The following SNX6 variants were observed in gnomAD, a reference collection of about 807,000 sequenced individuals.
SNX6 encodes sorting nexin-6.
In SNX6, 34 loss-of-function variants were observed where a neutral mutation model predicts 63.0. The ratio of observed to expected loss-of-function variants is 0.54; its 90% CI spans 0.41 to 0.72. The LOEUF is 0.72. SNX6 is among the 30% of genes least tolerant of loss of function. The pLI is 0.00. For missense variants in SNX6, 398 were observed against 471.4 expected, an observed-to-expected ratio of 0.84 and a Z score of 1.44; for synonymous variants, 170 against 164.2, an observed-to-expected ratio of 1.04 and a Z score of -0.27.
At chr14:34,609,603 G>T in intron 3 of SNX6, 35 bp downstream of exon 3, 1 of 1,387,142 alleles carries the variant, frequency 7.2e-7, no homozygotes, top group South Asian at 1.2e-5. Flanking sequence ...TATAATAAAT[G>T]GCTAAAATAA....
At chr14:34,583,850 C>T (rs1200262927) in intron 9 of SNX6, among the ~76,000 whole-genome samples, 5 of 142,848 alleles carry the variant, frequency 3.5e-5, no homozygotes, top group Admixed American at 2.1e-4. Flanking sequence ...GGGAAGGTGG[C>T]TTTTTTTTTT....
chr14:34,613,069 G>GA (rs1227503098), intron 2 of SNX6, among the ~76,000 whole-genome samples: 1 of 150,592 alleles, frequency 6.6e-6, no homozygotes, highest in African/African-American at 2.4e-5. Flanking sequence ...ACTGACACAG[G>GA]AAAAAAACAC....
chr14:34,625,660 G>A (rs146796479), intron 2 of SNX6, among the ~76,000 whole-genome samples: 60 of 152,172 alleles, frequency 3.9e-4, no homozygotes, highest in African/African-American at 1.0e-3. Flanking sequence ...ACCTTAACCC[G>A]GGAGGTGGAG....
intron 13 of SNX6, among the ~76,000 whole-genome samples, chr14:34,566,328 T>A (rs879521575): frequency 6.6e-6 from 1 of 152,184 alleles, no homozygotes; most frequent in Non-Finnish European, 1.5e-5. Context: ...CTGTCCTGCC[T>A]CAGCCTCCCA....
intron 6 of SNX6, among the ~76,000 whole-genome samples, chr14:34,600,619 T>A (rs929667503): frequency 6.6e-6 from 1 of 152,140 alleles, no homozygotes; most frequent in African/African-American, 2.4e-5. Context: ...ATGAGCACTA[T>A]GCTATATTTA....
chr14:34,578,040 C>CG, intron 10 of SNX6, among the ~76,000 whole-genome samples: 1 of 147,298 alleles, frequency 6.8e-6, no homozygotes, highest in East Asian at 2.1e-4. Context: ...CCCACCCCCC[C>CG]GTCTCTACAT....
intron 2 of SNX6, among the ~76,000 whole-genome samples, chr14:34,612,493 G>T (rs1408601981): frequency 6.6e-6 from 1 of 151,980 alleles, no homozygotes; most frequent in Non-Finnish European, 1.5e-5. Context: ...GAGTGCAGTG[G>T]CCCCATCTTG....
intron 10 of SNX6, among the ~76,000 whole-genome samples, chr14:34,579,229 A>G (rs1881841650): frequency 6.6e-6 from 1 of 152,158 alleles, no homozygotes; most frequent in Admixed American, 6.6e-5. Context: ...CAATAATCTT[A>G]GCAGTATTGT....
chr14:34,614,440 A>G (rs1883347320), intron 2 of SNX6, among the ~76,000 whole-genome samples: 5 of 152,012 alleles, frequency 3.3e-5, no homozygotes, highest in Admixed American at 1.3e-4. Context: ...CTGTCTCAAA[A>G]AAAAAAAACC....
intron 2 of SNX6, among the ~76,000 whole-genome samples, chr14:34,614,175 T>C (rs983863035): frequency 4.0e-5 from 6 of 151,312 alleles, no homozygotes; most frequent in African/African-American, 9.7e-5. Flanking sequence ...ACCTATAATA[T>C]TAACACTTTG....
At chr14:34,604,298 G>A (rs773394602) in intron 5 of SNX6, 2 of 1,236,928 alleles carry the variant, frequency 1.6e-6, no homozygotes, top group South Asian at 2.8e-5. Flanking sequence ...ATCATGATCA[G>A]GGCCACTGGA....
intron 13 of SNX6, among the ~76,000 whole-genome samples, chr14:34,565,265 G>C (rs1223652897): frequency 1.3e-5 from 2 of 151,784 alleles, no homozygotes; most frequent in Non-Finnish European, 2.9e-5. Context: ...TTTTAGTAGA[G>C]ACGGGGTTTC....
At chr14:34,601,010 C>A (rs1437950382) in intron 6 of SNX6, among the ~76,000 whole-genome samples, 1 of 149,104 alleles carries the variant, frequency 6.7e-6, no homozygotes, top group East Asian at 1.9e-4. Flanking sequence ...AGAGACTCTG[C>A]CTCAAAAAAA....
chr14:34,626,248 T>A (rs1338048926), intron 2 of SNX6, among the ~76,000 whole-genome samples: 2 of 152,138 alleles, frequency 1.3e-5, no homozygotes, highest in Non-Finnish European at 2.9e-5. Flanking sequence ...AGCATTCTAA[T>A]TCAGGTTTTT....
chr14:34,567,585 T>G, intron 13 of SNX6, 101 bp downstream of exon 13: 3 of 848,754 alleles, frequency 3.5e-6, no homozygotes, highest in Non-Finnish European at 5.7e-6. Flanking sequence ...GTTGTCACAG[T>G]ATCCCTATGA....
chr14:34,587,823 G>A (rs755933629), intron 8 of SNX6, among the ~76,000 whole-genome samples: 6 of 142,074 alleles, frequency 4.2e-5, no homozygotes, highest in African/African-American at 1.3e-4. Flanking sequence ...TTTTTTTGGC[G>A]GGGGAGGGAT....
At position 34,567,678 on chromosome 14, in the gene SNX6, A is replaced by AAC. The variant is rs1263326954; in HGVS notation, c.1167+6_1167+7dup. On this transcript the variant is annotated splice_region_variant and intron_variant, in intron 13 of 13. Transcript: ENST00000362031. ...ACTTAAATTATTAAATCTTTATTAC[A>AAC]ACACTACCTTTGCATGCTTCAGTTC... 1.2e-6 allele frequency: 2 copies of AAC among 1,604,180 alleles called. No individual in the cohort carries two copies. The highest frequency in any genetic ancestry group is 2.2e-5 in the South Asian group (2 of 90,698).
At chr14:34,592,345 C>T (rs573597186) in intron 8 of SNX6, among the ~76,000 whole-genome samples, 1 of 152,006 alleles carries the variant, frequency 6.6e-6, no homozygotes, top group South Asian at 2.1e-4. Flanking sequence ...GCTGAGATTG[C>T]ACCGCTGCAC....
intron 2 of SNX6, among the ~76,000 whole-genome samples, chr14:34,624,441 C>T (rs536019720): frequency 1.3e-4 from 20 of 152,194 alleles, no homozygotes; most frequent in Middle Eastern, 3.4e-3. Context: ...CTGTTCTAAT[C>T]GAAATATCAT....
Sources: allele counts gnomAD v4.1 joint callset (sites outside exome capture counted in the v4.1 genomes callset), GRCh38; gene constraint gnomAD v4.1.1; transcripts MANE v1.5; gene names NCBI Gene and HGNC (gene_info 2026-07-23, HGNC 2026-07-21).